The following C4orf17 variants were observed in gnomAD, a reference collection of about 807,000 sequenced individuals.
C4orf17 encodes the protein chromosome 4 open reading frame 17, also known as uncharacterized protein C4orf17.
A neutral mutation model predicts 32.0 loss-of-function variants in C4orf17; 25 were observed. The observed-to-expected ratio is 0.78, with a 90% confidence interval of 0.57 to 1.09. The LOEUF (loss-of-function observed/expected upper bound fraction) is 1.09, where lower values mean the gene tolerates loss of function less well. C4orf17 is among the 50% of genes least tolerant of loss of function. The pLI is 0.00. For synonymous variants in C4orf17, 149 were observed against 145.8 expected (o/e 1.02, Z -0.16); for missense variants, 420 against 420.0 (o/e 1.00, Z 0.00).
At chr4:99,520,073 C>T (rs1421007420) in intron 2 of C4orf17, among the ~76,000 whole-genome samples, 1 of 150,734 alleles carries the variant, frequency 6.6e-6, no homozygotes, top group African/African-American at 2.4e-5. Flanking sequence ...GGAAAAAACC[C>T]CAAAACCCAC....
chr4:99,513,234 G>A (rs1723126442), intron 2 of C4orf17, 26 bp downstream of exon 2: 1 of 1,613,040 alleles, frequency 6.2e-7, no homozygotes, highest in Non-Finnish European at 8.5e-7. Flanking sequence ...GTCCTAGTAT[G>A]TGTCTCTATT....
At chr4:99,528,007 C>T (rs1279531735) in intron 4 of C4orf17, among the ~76,000 whole-genome samples, 1 of 152,152 alleles carries the variant, frequency 6.6e-6, no homozygotes, top group Non-Finnish European at 1.5e-5. Flanking sequence ...TGTTACAAAA[C>T]TGTTCAGATT....
At chr4:99,534,137 C>T (rs1723522146) in intron 5 of C4orf17, among the ~76,000 whole-genome samples, 1 of 152,102 alleles carries the variant, frequency 6.6e-6, no homozygotes, top group Non-Finnish European at 1.5e-5. Context: ...TCTCCCTCTC[C>T]CCCAACTCCC....
At chr4:99,537,319 G>C (rs777369101) in intron 5 of C4orf17, among the ~76,000 whole-genome samples, 1 of 152,150 alleles carries the variant, frequency 6.6e-6, no homozygotes, top group Non-Finnish European at 1.5e-5. Context: ...AGCTGGACTG[G>C]CAAAACAGAA....
At chr4:99,535,039 T>C (rs866583683) in intron 5 of C4orf17, among the ~76,000 whole-genome samples, 2 of 152,228 alleles carry the variant, frequency 1.3e-5, no homozygotes, top group Non-Finnish European at 2.9e-5. Context: ...GAAACTCTTT[T>C]CTTTAAGAAT....
At chr4:99,539,055 A>T (rs1723609623) in intron 6 of C4orf17, 108 bp from the exon 7 acceptor site, 2 of 1,028,294 alleles carry the variant, frequency 1.9e-6, no homozygotes, top group East Asian at 4.8e-5. Context: ...CTATCCAGAA[A>T]ATAGATGACC....
chr4:99,517,421 A>G (rs1485886612), intron 2 of C4orf17, among the ~76,000 whole-genome samples: 5 of 152,136 alleles, frequency 3.3e-5, no homozygotes, highest in African/African-American at 1.2e-4. Context: ...TAATCTGGGT[A>G]CTGTTGTTAA....
At chr4:99,514,554 A>C (rs1424700520) in intron 2 of C4orf17, among the ~76,000 whole-genome samples, 1 of 152,196 alleles carries the variant, frequency 6.6e-6, no homozygotes, top group Non-Finnish European at 1.5e-5. Context: ...CAACAATGAG[A>C]TATCACCTTA....
In C4orf17 at chr4:99,537,738, G is replaced by C. The variant is rs573160151; in HGVS notation, c.616G>C (p.Ala206Pro). The C allele has an allele frequency of 6.2e-7, 1 of 1,611,358 alleles. No individual in the cohort carries two copies. The highest frequency in any genetic ancestry group is 2.2e-5 in the East Asian group (1 of 44,864). The change falls in exon 6 of 9, where the codon GCA becomes CCA. Residue 206 changes from alanine (A) to proline (P), a missense_variant. Transcript: ENST00000326581. ...LAEVLQWLLH[A>P]TSKEKEWVSA... ...AGAAGTTTTACAGTGGCTGCTTCAT[G>C]CAACTTCAAAAGGTGCGATTAAGAT...
At chr4:99,516,397 G>A (rs1723181810) in intron 2 of C4orf17, among the ~76,000 whole-genome samples, 1 of 152,290 alleles carries the variant, frequency 6.6e-6, no homozygotes, top group South Asian at 2.1e-4. Context: ...GAGTAGAGAT[G>A]CACATTGGGA....
intron 2 of C4orf17, among the ~76,000 whole-genome samples, chr4:99,521,281 G>A (rs1353888993): frequency 6.6e-6 from 1 of 152,024 alleles, no homozygotes; most frequent in African/African-American, 2.4e-5. Flanking sequence ...GCTGAGGCAG[G>A]ATAATCACTT....
intron 2 of C4orf17, among the ~76,000 whole-genome samples, chr4:99,516,389 G>A (rs1723181533): frequency 6.6e-6 from 1 of 152,188 alleles, no homozygotes; most frequent in Non-Finnish European, 1.5e-5. Context: ...GAACTTAGGA[G>A]TAGAGATGCA....
intron 2 of C4orf17, among the ~76,000 whole-genome samples, chr4:99,520,833 T>C (rs1723277404): frequency 6.6e-6 from 1 of 152,176 alleles, no homozygotes; most frequent in Non-Finnish European, 1.5e-5. Context: ...TTTAAAAATA[T>C]TTTACATACT....
At chr4:99,520,513 T>C (rs1170059779) in intron 2 of C4orf17, among the ~76,000 whole-genome samples, 1 of 152,258 alleles carries the variant, frequency 6.6e-6, no homozygotes, top group African/African-American at 2.4e-5. Context: ...ACCTCTTCTA[T>C]ATTTTATTTC....
At chr4:99,540,542 T>G in intron 8 of C4orf17, 87 bp downstream of exon 8, 2 of 865,752 alleles carry the variant, frequency 2.3e-6, no homozygotes, top group Non-Finnish European at 1.9e-6. Flanking sequence ...TAAGGATCAG[T>G]GCTTTTAAAA....
intron 2 of C4orf17, among the ~76,000 whole-genome samples, chr4:99,516,478 C>T (rs542936812): frequency 8.5e-5 from 13 of 152,302 alleles, no homozygotes; most frequent in South Asian, 2.1e-4. Flanking sequence ...GCCATCTATA[C>T]GTTTATTCAT....
At chr4:99,541,826 A>G in intron 8 of C4orf17, 84 bp from the exon 9 acceptor site, 1 of 962,266 alleles carries the variant, frequency 1.0e-6, no homozygotes, top group East Asian at 2.6e-5. Flanking sequence ...ATAGTTTTTT[A>G]TAGATAATTT....
At chr4:99,525,350 T>C (rs1246762470) in intron 4 of C4orf17, among the ~76,000 whole-genome samples, 3 of 152,222 alleles carry the variant, frequency 2.0e-5, no homozygotes, top group African/African-American at 4.8e-5. Context: ...AGTCTTTTTA[T>C]TTTTAGCCAG....
intron 5 of C4orf17, chr4:99,536,184 T>C (rs898558797): frequency 2.1e-5 from 5 of 242,522 alleles, no homozygotes; most frequent in Non-Finnish European, 4.1e-5. Context: ...TTGGGAGGTA[T>C]TACCGGGTCA....
Sources: gnomAD v4.1 joint callset for allele counts (sites outside exome capture counted in the v4.1 genomes callset) on GRCh38, gnomAD v4.1.1 for gene constraint, MANE v1.5 for transcripts, NCBI Gene and HGNC (gene_info 2026-07-23, HGNC 2026-07-21) for gene names.